Variants in KIAA1328 observed in about 807,000 individuals in gnomAD.
KIAA1328 encodes protein hinderin.
A neutral mutation model predicts 68.1 loss-of-function variants in KIAA1328; 52 were observed. The ratio of observed to expected loss-of-function variants is 0.76; its 90% CI spans 0.61 to 0.96. The LOEUF (loss-of-function observed/expected upper bound fraction) is 0.96, where lower values mean the gene tolerates loss of function less well. KIAA1328 is among the 40% of genes least tolerant of loss of function. KIAA1328 has a pLI of 0.00. For missense variants in KIAA1328, 641 were observed against 677.6 expected (o/e 0.95, Z 0.60); for synonymous variants, 232 against 239.4 (o/e 0.97, Z 0.28).
intron 3 of KIAA1328, 105 bp downstream of exon 3, chr18:36,835,481 C>A: frequency 9.3e-7 from 1 of 1,079,166 alleles, no homozygotes; most frequent in South Asian, 1.8e-5. Context: ...GATCAACAAA[C>A]ATTCTTAAAA....
intron 7 of KIAA1328, among the ~76,000 whole-genome samples, chr18:37,145,798 CCTAT>C (rs1448107772): frequency 6.6e-6 from 1 of 151,924 alleles, no homozygotes; most frequent in African/African-American, 2.4e-5. Context: ...GTTTTCAGGG[CCTAT>C]CTCTTTTCAT....
intron 7 of KIAA1328, among the ~76,000 whole-genome samples, chr18:37,106,445 G>A (rs1287367751): frequency 6.8e-6 from 1 of 147,692 alleles, no homozygotes; most frequent in Non-Finnish European, 1.5e-5. Flanking sequence ...TTTTGAGACA[G>A]TCTCGCTCTG....
chr18:37,079,055 A>C (rs1384079297), intron 7 of KIAA1328, among the ~76,000 whole-genome samples: 31 of 150,760 alleles, frequency 2.1e-4, no homozygotes, highest in African/African-American at 5.4e-4. Context: ...GCACTATTCA[A>C]AATAGCAAAG....
chr18:37,111,022 G>A (rs756913660), intron 7 of KIAA1328, among the ~76,000 whole-genome samples: 7 of 152,132 alleles, frequency 4.6e-5, no homozygotes, highest in East Asian at 1.9e-4. Flanking sequence ...TCCTTTAACC[G>A]TGAACCTGAG....
intron 6 of KIAA1328, among the ~76,000 whole-genome samples, chr18:37,020,192 C>T (rs1271733533): frequency 2.0e-5 from 3 of 152,044 alleles, no homozygotes; most frequent in African/African-American, 4.8e-5. Context: ...GGTGCTATCT[C>T]GACTCACTGC....
At chr18:37,002,706 CAAAA>C (rs1238852333) in intron 6 of KIAA1328, among the ~76,000 whole-genome samples, 1 of 151,862 alleles carries the variant, frequency 6.6e-6, no homozygotes, top group Non-Finnish European at 1.5e-5. Flanking sequence ...ACACAAGAAA[CAAAA>C]AACATCCCAC....
chr18:37,075,800 G>C (rs1432352347), intron 7 of KIAA1328, among the ~76,000 whole-genome samples: 6 of 152,150 alleles, frequency 3.9e-5, no homozygotes, highest in Admixed American at 3.9e-4. Context: ...AAATATATAT[G>C]CACCCAATAC....
At chr18:37,050,659 G>A (rs1414799995) in intron 6 of KIAA1328, among the ~76,000 whole-genome samples, 1 of 152,078 alleles carries the variant, frequency 6.6e-6, no homozygotes. Flanking sequence ...CTCACAATTA[G>A]ACGTTTGTCT....
chr18:37,139,051 G>T (rs1226665059), intron 7 of KIAA1328, among the ~76,000 whole-genome samples: 2 of 145,528 alleles, frequency 1.4e-5, no homozygotes, highest in African/African-American at 5.1e-5. Context: ...CCGCCTCCCG[G>T]GTTCACGCCA....
chr18:37,012,979 G>A (rs961560933), intron 6 of KIAA1328, among the ~76,000 whole-genome samples: 1 of 152,078 alleles, frequency 6.6e-6, no homozygotes, highest in Non-Finnish European at 1.5e-5. Flanking sequence ...TATAAGAAAT[G>A]GGGTAAAAAT....
chr18:37,127,302 T>A lies in KIAA1328; in HGVS notation c.1233-32898T>A, dbSNP rs561728700. Among the ~76,000 whole-genome samples the A allele has an allele frequency of 3.9e-5, 6 of 152,282 alleles. No individual in the cohort carries two copies. In the East Asian group the frequency reaches 7.7e-4, roughly 20 times the overall value. On this transcript the variant is annotated intron_variant, in intron 7 of 9. Transcript: ENST00000280020. ...AGGGCAATTAGAAGTTGCAGTTTTT[T>A]AAAAAACACACACGTTCATAATACC...
intron 6 of KIAA1328, among the ~76,000 whole-genome samples, chr18:37,022,545 A>G (rs2151535330): frequency 6.6e-6 from 1 of 152,290 alleles, no homozygotes; most frequent in Admixed American, 6.5e-5. Flanking sequence ...CAGAAGGCTG[A>G]TATTTAATAA....
At chr18:37,111,011 A>G (rs1304927348) in intron 7 of KIAA1328, among the ~76,000 whole-genome samples, 3 of 152,146 alleles carry the variant, frequency 2.0e-5, no homozygotes, top group African/African-American at 7.2e-5. Flanking sequence ...GCAAGCCTTA[A>G]TCCTTTAACC....
chr18:37,221,843 G>A (rs1044624350), intron 9 of KIAA1328, among the ~76,000 whole-genome samples, 174 bp from the exon 10 acceptor site: 2 of 152,166 alleles, frequency 1.3e-5, no homozygotes, highest in Admixed American at 6.5e-5. Flanking sequence ...CAGGGCCTAG[G>A]TTCTTCAAGT....
chr18:37,221,127 C>G (rs1379669274), intron 9 of KIAA1328, among the ~76,000 whole-genome samples: 3 of 152,036 alleles, frequency 2.0e-5, no homozygotes, highest in Non-Finnish European at 4.4e-5. Flanking sequence ...TCACCCGGCC[C>G]CCAGAATGTT....
intron 9 of KIAA1328, among the ~76,000 whole-genome samples, chr18:37,193,012 A>G (rs2059935757): frequency 6.6e-6 from 1 of 152,176 alleles, no homozygotes; most frequent in Admixed American, 6.6e-5. Flanking sequence ...TGCTTTTCAT[A>G]TCAAAATCTC....
At chr18:37,027,973 C>T (rs2054658931) in intron 6 of KIAA1328, among the ~76,000 whole-genome samples, 2 of 152,166 alleles carry the variant, frequency 1.3e-5, no homozygotes, top group South Asian at 4.2e-4. Flanking sequence ...TGACAAAGGG[C>T]TAATATCCAG....
chr18:37,062,535 A>C (rs1479386214), intron 6 of KIAA1328, among the ~76,000 whole-genome samples: 3 of 151,462 alleles, frequency 2.0e-5, no homozygotes, highest in Admixed American at 1.3e-4. Flanking sequence ...GTTTCACTGC[A>C]AGCTCCGCCT....
chr18:37,208,701 C>T (rs1181039528), intron 9 of KIAA1328, among the ~76,000 whole-genome samples: 7 of 152,166 alleles, frequency 4.6e-5, no homozygotes, highest in South Asian at 2.1e-4. Flanking sequence ...TCCACTCAGA[C>T]GGATGTAAAG....
Sources: allele counts gnomAD v4.1 joint callset (sites outside exome capture counted in the v4.1 genomes callset), GRCh38; gene constraint gnomAD v4.1.1; transcripts MANE v1.5; gene names NCBI Gene and HGNC (gene_info 2026-07-23, HGNC 2026-07-21).